CDH8: variants seen among roughly 807,000 people sequenced by gnomAD.
The protein encoded by CDH8 is cadherin 8, also known as cadherin-8.
In CDH8, 17 loss-of-function variants were observed where a neutral mutation model predicts 68.1. The ratio of observed to expected loss-of-function variants is 0.25; its 90% CI spans 0.17 to 0.37. The LOEUF (loss-of-function observed/expected upper bound fraction) is 0.37. CDH8 is among the 10% of genes least tolerant of loss of function. CDH8 has a pLI of 1.00. For missense variants in CDH8, 763 were observed against 999.3 expected (o/e 0.76, Z 3.19); for synonymous variants, 372 against 365.1 (o/e 1.02, Z -0.21).
At chr16:61,828,167 C>T (rs185637023) in intron 4 of CDH8, among the ~76,000 whole-genome samples, 128 of 151,650 alleles carry the variant, frequency 8.4e-4, no homozygotes, top group African/African-American at 3.0e-3. Flanking sequence ...GACCTCTGGT[C>T]GTCCTTACTA....
At chr16:61,754,274 C>T (rs568847879) in intron 8 of CDH8, among the ~76,000 whole-genome samples, 2 of 152,200 alleles carry the variant, frequency 1.3e-5, no homozygotes, top group South Asian at 2.1e-4. Flanking sequence ...AGGTTAAAAT[C>T]AAAGCCATAC....
chr16:61,653,663 C>T lies in CDH8; in HGVS notation c.2345G>A (p.Arg782His), dbSNP rs772878546. ...NFDYLSDWGP[R>H]FKRLGELYSV... ...GTAGAGTTCGCCCAGTCTCTTAAAG[C>T]GGGGACCCCAGTCACTGAGGTAGTC... Residue 782 changes from arginine (R) to histidine (H), a missense_variant, in exon 12 of 12, where the codon CGC becomes CAC. Physicochemically the swap from Arg to His is conservative, Grantham distance 29. Around this residue, in one of 2 missense-constraint regions of CDH8, gnomAD observed 397 missense variants for 436.2 expected, o/e 0.91. Coordinates refer to ENST00000577390, the MANE Select transcript of CDH8 (RefSeq NM_001796.5). 3.1e-5 allele frequency: 50 copies of T among 1,613,872 alleles called. No individual in the cohort carries two copies. The highest frequency in any genetic ancestry group is 3.5e-5 in the Non-Finnish European group (41 of 1,179,964).
chr16:61,782,179 G>T (rs531706010), intron 8 of CDH8, among the ~76,000 whole-genome samples: 2 of 152,156 alleles, frequency 1.3e-5, no homozygotes, highest in East Asian at 3.9e-4. Flanking sequence ...CTGAGGTACC[G>T]GGTTCATCTC....
Position 61,739,884 on chromosome 16 carries a change from C to CATATATATATATATATATAT in CDH8, c.1415-12689_1415-12670dup, listed in dbSNP as rs35095367. ...AATATAGCATTTGTACAACATATTC[C>CATATATATATATATATATAT]ATATATATATATATATATATATATA... is the stretch of plus-strand genomic sequence containing the variant. On this transcript the variant is annotated intron_variant, in intron 8 of 11. Transcript: ENST00000577390. 2.0e-3 allele frequency among the ~76,000 whole-genome samples: 206 copies of CATATATATATATATATATAT among 101,352 alleles called. 1 individual carries two copies. The highest frequency in any genetic ancestry group is 2.3e-3 in the African/African-American group (60 of 25,584). The allele number at this position is 101,352 out of a possible 152,430, so 66.5% of individuals were successfully genotyped here. A position where few individuals can be genotyped will look rare whatever the true frequency, so the allele number is the denominator to read the frequency against.
chr16:61,691,653 C>G (rs1480576277), intron 10 of CDH8: 1 of 151,732 alleles, frequency 6.6e-6, no homozygotes, highest in African/African-American at 2.4e-5. Flanking sequence ...CCCTATTTGT[C>G]ACAGTACCTC....
chr16:61,919,878 C>T (rs1964328446), intron 2 of CDH8, among the ~76,000 whole-genome samples: 1 of 152,152 alleles, frequency 6.6e-6, no homozygotes, highest in Non-Finnish European at 1.5e-5. Flanking sequence ...GTAACCAAAA[C>T]AGCATGGTAC....
At chr16:61,968,605 T>C (rs1965291387) in intron 2 of CDH8, among the ~76,000 whole-genome samples, 2 of 152,242 alleles carry the variant, frequency 1.3e-5, no homozygotes, top group African/African-American at 4.8e-5. Flanking sequence ...CCATTTAACA[T>C]TATCTGAATA....
At chr16:61,850,759 T>C (rs1962922284) in intron 4 of CDH8, among the ~76,000 whole-genome samples, 1 of 152,050 alleles carries the variant, frequency 6.6e-6, no homozygotes, top group Non-Finnish European at 1.5e-5. Flanking sequence ...CATTAGTTTT[T>C]CAGGACATAT....
intron 8 of CDH8, among the ~76,000 whole-genome samples, chr16:61,737,559 C>T (rs761568738): frequency 5.9e-5 from 9 of 151,852 alleles, no homozygotes; most frequent in Admixed American, 2.6e-4. Flanking sequence ...TGACTAAAGA[C>T]GAAACTTTTT....
chr16:61,717,375 TTGA>T (rs1964751417), intron 9 of CDH8, among the ~76,000 whole-genome samples: 1 of 151,528 alleles, frequency 6.6e-6, no homozygotes, highest in Non-Finnish European at 1.5e-5. Flanking sequence ...GACTACAGAT[TTGA>T]AATTAAATAA....
chr16:61,796,830 C>T (rs1275169415), intron 7 of CDH8, among the ~76,000 whole-genome samples: 1 of 152,054 alleles, frequency 6.6e-6, no homozygotes, highest in Non-Finnish European at 1.5e-5. Flanking sequence ...AGACACAAGC[C>T]AATGTCACCA....
chr16:62,029,074 G>A (rs764922874), intron 1 of CDH8, among the ~76,000 whole-genome samples: 32 of 152,138 alleles, frequency 2.1e-4, no homozygotes, highest in Admixed American at 2.6e-4. Context: ...CAGCTCTATC[G>A]TTCATGAAAT....
chr16:62,028,670 T>C (rs565511628), intron 1 of CDH8, among the ~76,000 whole-genome samples: 2 of 152,102 alleles, frequency 1.3e-5, no homozygotes, highest in African/African-American at 4.8e-5. Context: ...ATCATCAGTT[T>C]AGTTAAGATA....
chr16:61,708,597 A>G (rs1313429357), intron 10 of CDH8, among the ~76,000 whole-genome samples: 1 of 152,222 alleles, frequency 6.6e-6, no homozygotes, highest in African/African-American at 2.4e-5. Context: ...AGTCATATGC[A>G]ACTTAGAAAC....
chr16:61,810,351 A>G (rs1343329799), intron 7 of CDH8, among the ~76,000 whole-genome samples: 3 of 152,192 alleles, frequency 2.0e-5, no homozygotes, highest in African/African-American at 7.2e-5. Flanking sequence ...GCTTTAATAA[A>G]TAATATTATC....
At chr16:61,954,920 A>G (rs1232316131) in intron 2 of CDH8, among the ~76,000 whole-genome samples, 1 of 152,194 alleles carries the variant, frequency 6.6e-6, no homozygotes, top group African/African-American at 2.4e-5. Flanking sequence ...TGTAGCAATA[A>G]TATGAAAAAC....
intron 10 of CDH8, 94 bp from the exon 11 acceptor site, chr16:61,655,815 T>C: frequency 9.2e-7 from 1 of 1,083,182 alleles, no homozygotes; most frequent in East Asian, 2.5e-5. Context: ...TTTGCAAACC[T>C]CAAGACAATC....
chr16:61,847,538 TTATATATATA>T (rs56946081), intron 4 of CDH8, among the ~76,000 whole-genome samples: 51,760 of 136,674 alleles, frequency 0.38, 9,762 homozygotes, highest in Middle Eastern at 0.46. Flanking sequence ...TCCAATCATT[TTATATATATA>T]TATATATATA....
chr16:61,708,707 A>G (rs1964576447), intron 10 of CDH8, among the ~76,000 whole-genome samples: 1 of 152,246 alleles, frequency 6.6e-6, no homozygotes, highest in South Asian at 2.1e-4. Flanking sequence ...TTTTATCAAC[A>G]GCACATTGCT....
Sources: allele counts gnomAD v4.1 joint callset (sites outside exome capture counted in the v4.1 genomes callset), GRCh38; gene constraint gnomAD v4.1.1; regional missense constraint gnomAD v4.1.1; transcripts MANE v1.5; gene names NCBI Gene and HGNC (gene_info 2026-07-23, HGNC 2026-07-21).